The following RORA variants were observed in gnomAD, a reference collection of about 807,000 sequenced individuals.
RORA encodes the protein nuclear receptor ROR-alpha.
A neutral mutation model predicts 69.5 loss-of-function variants in RORA; 7 were observed. The ratio of observed to expected loss-of-function variants is 0.10; its 90% CI spans 0.06 to 0.19. The LOEUF (loss-of-function observed/expected upper bound fraction) is 0.19. Ranked by LOEUF, RORA falls within the 10% of genes least tolerant of loss-of-function variation. The pLI is 1.00. For synonymous variants in RORA, 261 were observed against 240.8 expected (o/e 1.08, Z -0.78); for missense variants, 457 against 663.0 (o/e 0.69, Z 3.41).
chr15:60,936,513 C>T (rs1892526658), intron 1 of RORA, among the ~76,000 whole-genome samples: 1 of 152,208 alleles, frequency 6.6e-6, no homozygotes, highest in African/African-American at 2.4e-5. Flanking sequence ...ACAGTAGCTA[C>T]AGAAGTGAAA....
At chr15:60,813,207 G>A (rs341368) in intron 1 of RORA, among the ~76,000 whole-genome samples, 150,747 of 152,270 alleles carry the variant, frequency 0.99, 74,637 homozygotes, top group East Asian at 1. Context: ...CCCCAACCCA[G>A]GAATGAGGGG....
chr15:61,199,122 C>A (rs2079872737), intron 1 of RORA, among the ~76,000 whole-genome samples: 1 of 152,184 alleles, frequency 6.6e-6, no homozygotes, highest in African/African-American at 2.4e-5. Context: ...CAAGTGATGG[C>A]CCCAAGTAGC....
At chr15:61,153,992 C>A (rs1343750624) in intron 1 of RORA, among the ~76,000 whole-genome samples, 1 of 152,194 alleles carries the variant, frequency 6.6e-6, no homozygotes, top group Non-Finnish European at 1.5e-5. Context: ...AGCTTATAGA[C>A]ACGAAGCAGG....
intron 2 of RORA, among the ~76,000 whole-genome samples, chr15:60,605,588 A>C (rs554149512): frequency 6.4e-4 from 97 of 152,220 alleles, no homozygotes; most frequent in Admixed American, 1.2e-3. Context: ...TACGATGATC[A>C]GATATGATTA....
intron 2 of RORA, among the ~76,000 whole-genome samples, chr15:60,608,771 T>C (rs1433009060): frequency 6.6e-6 from 1 of 152,204 alleles, no homozygotes; most frequent in Admixed American, 6.5e-5. Flanking sequence ...CCACGAGAGA[T>C]AATTTACATG....
At chr15:60,594,283 A>G (rs1308610595) in intron 2 of RORA, among the ~76,000 whole-genome samples, 1 of 152,200 alleles carries the variant, frequency 6.6e-6, no homozygotes, top group Non-Finnish European at 1.5e-5. Context: ...TATATCTCCC[A>G]ATGAGGCAAC....
rs1238953175 is a variant in RORA at position 60,691,498 on chromosome 15, C to T, written c.167-12812G>A. On this transcript the variant is annotated intron_variant, in intron 1 of 10. Coordinates refer to ENST00000335670, the MANE Select transcript of RORA (RefSeq NM_134261.3). Reference sequence around the variant, plus strand: ...ATGAAGTTGACTCCCCAAAGCCACACATCTAGTTTACCAATAGTGACTCCA... The same window carrying T: ...ATGAAGTTGACTCCCCAAAGCCACATATCTAGTTTACCAATAGTGACTCCA... 7.2e-5 allele frequency among the ~76,000 whole-genome samples: 11 copies of T among 152,180 alleles called. No individual in the cohort carries two copies. The East Asian group carries it at 2.1e-3, about 29-fold the overall frequency.
At chr15:60,805,662 A>G (rs1437296998) in intron 1 of RORA, among the ~76,000 whole-genome samples, 1 of 152,236 alleles carries the variant, frequency 6.6e-6, no homozygotes, top group African/African-American at 2.4e-5. Context: ...TCATTGATAT[A>G]GGATTACATG....
intron 1 of RORA, among the ~76,000 whole-genome samples, chr15:60,866,482 A>T (rs976691817): frequency 6.6e-6 from 1 of 152,228 alleles, no homozygotes. Flanking sequence ...TGTTCATAAC[A>T]TACCCTTTTC....
At chr15:60,700,738 C>CT (rs1596137700) in intron 1 of RORA, among the ~76,000 whole-genome samples, 1 of 152,172 alleles carries the variant, frequency 6.6e-6, no homozygotes, top group East Asian at 1.9e-4. Context: ...GACCTCCAAG[C>CT]TTTTTTCTGT....
Position 60,492,807 on chromosome 15 carries a change from C to T in RORA, c.*4648G>A, listed in dbSNP as rs142615480. 8 of 152,200 alleles carry T rather than the reference C, an allele frequency of 5.3e-5. 1 individual carries two copies. The East Asian group carries it at 7.7e-4, about 15-fold the overall frequency. 9.4% of individuals were successfully genotyped at this position (152,200 alleles called of 1,614,324 possible). A position where few individuals can be genotyped will look rare whatever the true frequency, so the allele number is the denominator to read the frequency against. The stretch of plus-strand genomic sequence containing the variant: ...TCAGTGTTTTGAAACACAAGACTGA[C>T]GAGCACATCAAGTTCTAAACTCAAC... On this transcript the variant is annotated 3_prime_UTR_variant, in exon 11 of 11. Coordinates refer to ENST00000335670, the MANE Select transcript of RORA (RefSeq NM_134261.3).
intron 2 of RORA, among the ~76,000 whole-genome samples, chr15:60,545,316 C>A (rs180969911): frequency 1.2e-4 from 18 of 152,258 alleles, no homozygotes; most frequent in Admixed American, 1.1e-3. Context: ...AACAATGAGA[C>A]GAATGGCTAG....
chr15:61,192,711 T>C (rs1305977566), intron 1 of RORA, among the ~76,000 whole-genome samples: 1 of 152,178 alleles, frequency 6.6e-6, no homozygotes, highest in African/African-American at 2.4e-5. Context: ...CCAGTACACA[T>C]CCCAACCTAC....
intron 1 of RORA, among the ~76,000 whole-genome samples, chr15:60,706,049 C>G (rs147565872): frequency 6.6e-6 from 1 of 152,130 alleles, no homozygotes; most frequent in African/African-American, 2.4e-5. Flanking sequence ...AAAGGGCACA[C>G]GCATAGTTAT....
At chr15:60,737,307 G>A in intron 1 of RORA, among the ~76,000 whole-genome samples, 1 of 152,172 alleles carries the variant, frequency 6.6e-6, no homozygotes, top group East Asian at 1.9e-4. Flanking sequence ...TATAACTTCA[G>A]GCAGACAATT....
chr15:60,900,639 C>T (rs1393147753), intron 1 of RORA, among the ~76,000 whole-genome samples: 4 of 151,992 alleles, frequency 2.6e-5, no homozygotes, highest in African/African-American at 4.8e-5. Flanking sequence ...TCTGGGAGGC[C>T]GAGGCGGGTG....
chr15:61,224,061 T>C (rs2080124115), intron 1 of RORA, among the ~76,000 whole-genome samples: 1 of 151,036 alleles, frequency 6.6e-6, no homozygotes, highest in African/African-American at 2.4e-5. Flanking sequence ...ACAGAGAGTA[T>C]TATTCCTAAA....
chr15:60,657,544 A>G (rs2070240533), intron 2 of RORA, among the ~76,000 whole-genome samples: 1 of 152,102 alleles, frequency 6.6e-6, no homozygotes, highest in Admixed American at 6.5e-5. Context: ...CTGTGTAGAC[A>G]ACAGAGCCAG....
intron 1 of RORA, among the ~76,000 whole-genome samples, chr15:60,761,966 A>C (rs1214501042): frequency 6.6e-6 from 1 of 152,190 alleles, no homozygotes; most frequent in Non-Finnish European, 1.5e-5. Flanking sequence ...TTGGAAATCA[A>C]GTTCTTGAGC....
Sources: allele counts gnomAD v4.1 joint callset (sites outside exome capture counted in the v4.1 genomes callset), GRCh38; gene constraint gnomAD v4.1.1; transcripts MANE v1.5; gene names NCBI Gene and HGNC (gene_info 2026-07-23, HGNC 2026-07-21).